The following DTNB variants were observed in gnomAD, a reference collection of about 807,000 sequenced individuals.
DTNB encodes the protein DTN-B.
In DTNB, 63 loss-of-function variants were observed where a neutral mutation model predicts 90.7. The ratio of observed to expected loss-of-function variants is 0.69; its 90% CI spans 0.57 to 0.86. The LOEUF (loss-of-function observed/expected upper bound fraction) is 0.86, where lower values mean the gene tolerates loss of function less well. Among genes scored for constraint, DTNB ranks in the 40% least tolerant of loss-of-function variants. The pLI is 0.00. For synonymous variants in DTNB, 277 were observed against 286.7 expected (o/e 0.97, Z 0.34); for missense variants, 744 against 807.1 (o/e 0.92, Z 0.95).
chr2:25,388,904 T>C (rs2040319275), intron 16 of DTNB, among the ~76,000 whole-genome samples: 1 of 151,990 alleles, frequency 6.6e-6, no homozygotes, highest in African/African-American at 2.4e-5. Flanking sequence ...TGGAGTGCAG[T>C]GGCACGATCT....
intron 8 of DTNB, among the ~76,000 whole-genome samples, chr2:25,570,130 GGGCTGGGCTCCAT>G (rs1203992616): frequency 6.6e-6 from 1 of 151,126 alleles, no homozygotes; most frequent in Non-Finnish European, 1.5e-5. Context: ...TGGTGTTGGA[GGGCTGGGCTCCAT>G]GGCTTATGCC....
chr2:25,419,324 G>T, intron 16 of DTNB, 191 bp downstream of exon 16: 1 of 784,684 alleles, frequency 1.3e-6, no homozygotes, highest in Non-Finnish European at 2.1e-6. Context: ...GTAAGAACAT[G>T]CTCTACTGGG....
At chr2:25,653,450 A>G (rs1222422447) in intron 1 of DTNB, among the ~76,000 whole-genome samples, 1 of 149,452 alleles carries the variant, frequency 6.7e-6, no homozygotes, top group Non-Finnish European at 1.5e-5. Flanking sequence ...AAAAAAAGAA[A>G]GAAGGAAAAG....
At chr2:25,547,065 T>C (rs2082584752) in intron 8 of DTNB, among the ~76,000 whole-genome samples, 1 of 151,828 alleles carries the variant, frequency 6.6e-6, no homozygotes, top group African/African-American at 2.4e-5. Context: ...CCCAGGCTGG[T>C]CTTAAACTTC....
chr2:25,534,330 T>C (rs1277565208), intron 8 of DTNB, among the ~76,000 whole-genome samples: 1 of 152,254 alleles, frequency 6.6e-6, no homozygotes, highest in African/African-American at 2.4e-5. Context: ...GGTAAGGTTA[T>C]AGATTAACGC....
chr2:25,402,675 T>C (rs1268867010), intron 16 of DTNB, among the ~76,000 whole-genome samples: 1 of 152,158 alleles, frequency 6.6e-6, no homozygotes, highest in Non-Finnish European at 1.5e-5. Flanking sequence ...CCATATCATG[T>C]CAGAAACCTC....
chr2:25,458,360 G>C (rs1235241462), intron 10 of DTNB, among the ~76,000 whole-genome samples: 1 of 151,614 alleles, frequency 6.6e-6, no homozygotes, highest in African/African-American at 2.4e-5. Context: ...CACTGGCAGC[G>C]AGCCGTACTT....
intron 9 of DTNB, among the ~76,000 whole-genome samples, chr2:25,518,695 GCT>G (rs960363716): frequency 6.6e-6 from 1 of 152,102 alleles, no homozygotes; most frequent in Non-Finnish European, 1.5e-5. Flanking sequence ...AGCCCTCTTT[GCT>G]CTTTCTTTCC....
At chr2:25,459,172 T>A (rs2150188581) in intron 10 of DTNB, among the ~76,000 whole-genome samples, 1 of 152,258 alleles carries the variant, frequency 6.6e-6, no homozygotes, top group Non-Finnish European at 1.5e-5. Flanking sequence ...ATTTGTAGGT[T>A]TATAGTTTTT....
intron 16 of DTNB, among the ~76,000 whole-genome samples, chr2:25,409,043 G>A (rs1451216548): frequency 1.3e-5 from 2 of 152,202 alleles, no homozygotes; most frequent in African/African-American, 4.8e-5. Context: ...CAGGAGAAGG[G>A]CATCAGGGAT....
chr2:25,524,867 T>C (rs189659657), intron 9 of DTNB, among the ~76,000 whole-genome samples: 59 of 152,252 alleles, frequency 3.9e-4, no homozygotes, highest in African/African-American at 1.3e-3. Context: ...ACCACTGAGA[T>C]CTGGTGGTTA....
Position 25,628,260 on chromosome 2 carries a change from C to T in DTNB, c.273G>A (p.Gln91=). Reference sequence around the variant, plus strand: ...GAGTAGAAGGAAGGCGCTTGTTCAACTGATAGTAGATGGAGGAGATGACAG... The same window carrying T: ...GAGTAGAAGGAAGGCGCTTGTTCAATTGATAGTAGATGGAGGAGATGACAG... ...LETVISSIYY[Q]LNKRLPSTHQ... Residue 91 remains glutamine, a synonymous_variant, in exon 4 of 21, where the codon CAG becomes CAA. Transcript: ENST00000406818. 6.2e-7 allele frequency: 1 copy of T among 1,612,590 alleles called. No individual in the cohort carries two copies. Among genetic ancestry groups the T allele is most frequent in the Non-Finnish European group, 8.5e-7 (1 of 1,179,744 alleles).
chr2:25,613,250 A>G (rs1338894191), intron 4 of DTNB, among the ~76,000 whole-genome samples: 1 of 152,032 alleles, frequency 6.6e-6, no homozygotes, highest in East Asian at 1.9e-4. Flanking sequence ...TGCCCAGACC[A>G]ATTTTTATTT....
intron 3 of DTNB, among the ~76,000 whole-genome samples, chr2:25,634,074 G>A (rs917148277): frequency 3.9e-5 from 6 of 151,970 alleles, no homozygotes; most frequent in South Asian, 4.1e-4. Context: ...AGGGAGGTGG[G>A]GGGGTCAGCC....
At chr2:25,483,334 C>T (rs1332938776) in intron 9 of DTNB, among the ~76,000 whole-genome samples, 3 of 152,202 alleles carry the variant, frequency 2.0e-5, no homozygotes, top group Non-Finnish European at 2.9e-5. Context: ...AAGGTCACAA[C>T]ATCGAGGTGC....
chr2:25,627,229 A>G (rs1443246765), intron 4 of DTNB, among the ~76,000 whole-genome samples: 1 of 152,182 alleles, frequency 6.6e-6, no homozygotes, highest in African/African-American at 2.4e-5. Context: ...CCTGACCAAC[A>G]TGGAGAAACC....
Position 25,633,869 on chromosome 2 carries a change from G to A in DTNB, c.148+5145C>T, listed in dbSNP as rs534799653. 5.3e-5 allele frequency among the ~76,000 whole-genome samples: 8 copies of A among 150,394 alleles called. No individual in the cohort carries two copies. In the East Asian group the frequency reaches 1.6e-3, roughly 30 times the overall value. On this transcript the variant is annotated intron_variant, in intron 3 of 20. Transcript: ENST00000406818. ...AGCGCCTCTACCCGGCCGCGACCCC[G>A]TCTGGGAGGTGAGGAGCGTCTCTGC...
chr2:25,550,191 A>C (rs1271721740), intron 8 of DTNB, among the ~76,000 whole-genome samples: 2 of 152,214 alleles, frequency 1.3e-5, no homozygotes, highest in East Asian at 1.9e-4. Flanking sequence ...GGAGATCGAG[A>C]CCATCCTGGC....
chr2:25,576,582 G>C (rs2060719771), intron 8 of DTNB: 2 of 350,780 alleles, frequency 5.7e-6, no homozygotes, highest in Non-Finnish European at 5.1e-6. Context: ...AGAGAGCACT[G>C]CAACATTCCA....
Sources: gnomAD v4.1 joint callset for allele counts (sites outside exome capture counted in the v4.1 genomes callset) on GRCh38, gnomAD v4.1.1 for gene constraint, MANE v1.5 for transcripts, NCBI Gene and HGNC (gene_info 2026-07-23, HGNC 2026-07-21) for gene names.